The following CACNA1C variants were observed in gnomAD, a reference collection of about 807,000 sequenced individuals.
CACNA1C encodes the protein voltage-dependent L-type calcium channel subunit alpha-1C.
Under a neutral mutation model 229.0 loss-of-function variants are expected in CACNA1C, and 30 were observed. That is an observed-to-expected ratio of 0.13 (90% CI 0.10 to 0.18). The LOEUF (loss-of-function observed/expected upper bound fraction) is 0.18, where lower values mean the gene tolerates loss of function less well. CACNA1C is among the 10% of genes least tolerant of loss of function. The pLI, the probability that CACNA1C is intolerant of heterozygous loss-of-function variation, is 1.00. For missense variants in CACNA1C, 1,658 were observed against 2,845.0 expected (o/e 0.58, Z 9.49); for synonymous variants, 1,114 against 1,132.5 (o/e 0.98, Z 0.33).
At chr12:2,254,017 G>A (rs1481656008) in intron 3 of CACNA1C, among the ~76,000 whole-genome samples, 1 of 152,206 alleles carries the variant, frequency 6.6e-6, no homozygotes, top group East Asian at 1.9e-4. Context: ...TCATGGATAG[G>A]ACTGAGGGTG....
intron 1 of CACNA1C, among the ~76,000 whole-genome samples, chr12:2,088,831 A>G (rs1207276454): frequency 1.3e-5 from 2 of 152,278 alleles, no homozygotes; most frequent in East Asian, 3.9e-4. Flanking sequence ...TTCAGTTCAT[A>G]GGATTTAGTC....
intron 3 of CACNA1C, among the ~76,000 whole-genome samples, chr12:2,253,881 ATGCCT>A (rs1299873473): frequency 2.6e-5 from 4 of 152,206 alleles, no homozygotes; most frequent in African/African-American, 9.6e-5. Flanking sequence ...TCTGTCTCAC[ATGCCT>A]GATTTATGGG....
chr12:2,047,284 CAG>C (rs2051249865), intron 1 of CACNA1C, among the ~76,000 whole-genome samples: 1 of 152,220 alleles, frequency 6.6e-6, no homozygotes, highest in Non-Finnish European at 1.5e-5. Flanking sequence ...ATCTTTTTCA[CAG>C]GGGTGAAGGA....
chr12:2,609,067 G>A (rs780782345), intron 27 of CACNA1C, among the ~76,000 whole-genome samples: 6 of 152,206 alleles, frequency 3.9e-5, no homozygotes, highest in Non-Finnish European at 5.9e-5. Context: ...AACTAGAACT[G>A]TGAGGGAGTG....
In CACNA1C at chr12:2,123,078, C is replaced by A. The variant is rs568707303; in HGVS notation, c.477+2648C>A. Reference sequence around the variant, plus strand: ...CTGACTTCAAATCTTGGCTTCTCCACTTTAAGATTAAGTCTGGGCCGGGCG... The same window carrying A: ...CTGACTTCAAATCTTGGCTTCTCCAATTTAAGATTAAGTCTGGGCCGGGCG... On this transcript the variant is annotated intron_variant, in intron 3 of 46. Coordinates refer to ENST00000399655, the MANE Select transcript of CACNA1C (RefSeq NM_000719.7). Among the ~76,000 whole-genome samples, 12 of 152,264 alleles carry A rather than the reference C, an allele frequency of 7.9e-5. No individual in the cohort carries two copies. The East Asian group carries it at 1.9e-3, about 25-fold the overall frequency.
chr12:2,180,811 A>G (rs1165099400), intron 3 of CACNA1C, among the ~76,000 whole-genome samples: 9 of 152,254 alleles, frequency 5.9e-5, no homozygotes, highest in African/African-American at 1.9e-4. Flanking sequence ...GAAATGTCAA[A>G]TGGTTGTTCA....
At chr12:2,104,619 T>G (rs976134847) in intron 1 of CACNA1C, among the ~76,000 whole-genome samples, 1 of 152,106 alleles carries the variant, frequency 6.6e-6, no homozygotes, top group Non-Finnish European at 1.5e-5. Flanking sequence ...TGAATAGGAG[T>G]GGTGAGAGAG....
chr12:2,610,768 C>A, intron 28 of CACNA1C, 69 bp downstream of exon 28: 9 of 1,538,098 alleles, frequency 5.9e-6, no homozygotes, highest in Non-Finnish European at 8.1e-6. Flanking sequence ...GAAAGTGTAA[C>A]GGAGCGGCAG....
intron 3 of CACNA1C, among the ~76,000 whole-genome samples, chr12:2,131,835 T>C (rs1002360362): frequency 6.7e-6 from 1 of 148,984 alleles, no homozygotes; most frequent in Non-Finnish European, 1.5e-5. Context: ...TTTCCAATTC[T>C]GTGAAGAAAG....
At chr12:2,586,336 A>G (rs2062453439) in intron 18 of CACNA1C, among the ~76,000 whole-genome samples, 1 of 152,180 alleles carries the variant, frequency 6.6e-6, no homozygotes, top group South Asian at 2.1e-4. Context: ...GCCACCACAG[A>G]TGTCCCACTT....
At chr12:2,191,249 C>G (rs1338121899) in intron 3 of CACNA1C, among the ~76,000 whole-genome samples, 2 of 152,106 alleles carry the variant, frequency 1.3e-5, no homozygotes, top group Non-Finnish European at 2.9e-5. Context: ...AGGAAAAGGC[C>G]TGGATGTGTC....
intron 3 of CACNA1C, among the ~76,000 whole-genome samples, chr12:2,145,022 A>G (rs2094576706): frequency 6.6e-6 from 1 of 151,252 alleles, no homozygotes; most frequent in South Asian, 2.1e-4. Context: ...GGGCAGCACT[A>G]TATTGGAGAG....
intron 3 of CACNA1C, among the ~76,000 whole-genome samples, chr12:2,422,396 A>G (rs1465081725): frequency 1.3e-5 from 2 of 152,148 alleles, no homozygotes; most frequent in Admixed American, 6.5e-5. Context: ...TTTTTTACCA[A>G]TAGAGTTTCC....
At chr12:2,568,861 C>A (rs1439528428) in intron 13 of CACNA1C, among the ~76,000 whole-genome samples, 1 of 151,816 alleles carries the variant, frequency 6.6e-6, no homozygotes, top group Non-Finnish European at 1.5e-5. Flanking sequence ...CCACTGAATT[C>A]TACAGTTTAA....
chr12:2,585,705 T>C lies in CACNA1C; in HGVS notation c.2461-130T>C. 2.2e-6 allele frequency: 2 copies of C among 890,098 alleles called. No homozygotes were observed. Among genetic ancestry groups the C allele is most frequent in the Non-Finnish European group, 1.8e-6 (1 of 547,738 alleles). The allele number at this position is 890,098 out of a possible 1,614,324, so 55.1% of individuals were successfully genotyped here. On this transcript the variant is annotated intron_variant, in intron 17 of 46. Transcript: ENST00000399655. The surrounding 1 kb of genome is among the most constrained non-coding windows in gnomAD (Gnocchi z 4.1). ...CCATCTGCTGATGTCTTGAAGGAGA[T>C]ATGCAAAGTGACAAGTACCTATTTT...
Position 2,486,367 on chromosome 12 carries a change from GC to G in CACNA1C, c.916+109del. 2 of 910,006 alleles carry G rather than the reference GC, an allele frequency of 2.2e-6. No individual in the cohort carries two copies. Among genetic ancestry groups the G allele is most frequent in the Non-Finnish European group, 3.3e-6 (2 of 611,598 alleles). 56.4% of individuals were successfully genotyped at this position (910,006 alleles called of 1,614,324 possible). A position where few individuals can be genotyped will look rare whatever the true frequency, so the allele number is the denominator to read the frequency against. ...ACATGACCAGCAGAGCCCAGGGAAG[GC>G]CCCATTCATTCAGACACACACTGGG... On this transcript the variant is annotated intron_variant, in intron 6 of 46. Coordinates refer to ENST00000399655, the MANE Select transcript of CACNA1C (RefSeq NM_000719.7). The surrounding 1 kb of genome is among the most constrained non-coding windows in gnomAD (Gnocchi z 4.9).
At chr12:2,645,764 G>A (rs529632493) in intron 30 of CACNA1C, among the ~76,000 whole-genome samples, 9 of 152,174 alleles carry the variant, frequency 5.9e-5, no homozygotes, top group Non-Finnish European at 1.0e-4. Flanking sequence ...ATGAGACCAC[G>A]GACCTTGTAA....
intron 1 of CACNA1C, among the ~76,000 whole-genome samples, chr12:2,079,244 C>G (rs1360814897): frequency 6.6e-6 from 1 of 151,950 alleles, no homozygotes. Context: ...CAAACCTGCA[C>G]GTTGTGCACA....
At chr12:2,235,642 G>A (rs1388684454) in intron 3 of CACNA1C, among the ~76,000 whole-genome samples, 3 of 152,164 alleles carry the variant, frequency 2.0e-5, no homozygotes, top group Non-Finnish European at 2.9e-5. Flanking sequence ...ATGGGATGGG[G>A]TGCAGTGTAT....
Sources: gnomAD v4.1 joint callset for allele counts (sites outside exome capture counted in the v4.1 genomes callset) on GRCh38, gnomAD v4.1.1 for gene constraint, Gnocchi (gnomAD v3.1) non-coding constraint, MANE v1.5 for transcripts, NCBI Gene and HGNC (gene_info 2026-07-23, HGNC 2026-07-21) for gene names.